KLHL23: variants seen among roughly 807,000 people sequenced by gnomAD.
KLHL23 encodes the protein kelch-like protein 23.
KLHL23 carries 33 observed loss-of-function variants against 48.9 expected under a neutral mutation model. The ratio of observed to expected loss-of-function variants is 0.67; its 90% CI spans 0.51 to 0.90. The LOEUF is 0.90. KLHL23 is among the 40% of genes least tolerant of loss of function. The pLI, the probability that KLHL23 is intolerant of heterozygous loss-of-function variation, is 0.00. For synonymous variants in KLHL23, 234 were observed against 231.6 expected (o/e 1.01, Z -0.09); for missense variants, 608 against 669.6 (o/e 0.91, Z 1.02).
chr2:169,741,322 C>A, intron 2 of KLHL23, 63 bp from the exon 3 acceptor site: 1 of 1,544,116 alleles, frequency 6.5e-7, no homozygotes, highest in East Asian at 2.3e-5. Flanking sequence ...AAATTTAGCC[C>A]AGGGTTCACT....
At position 169,751,878 on chromosome 2, in the gene KLHL23, A is replaced by G. The variant is rs1452729075; in HGVS notation, c.*2146A>G. ...ATTTTCAATAAAAATAAATCACTGT[A>G]CATAGTAAGACTGCTTGAATTTGGG... On this transcript the variant is annotated 3_prime_UTR_variant, in exon 4 of 4. Transcript: ENST00000392647. 6.6e-6 allele frequency: 1 copy of G among 152,194 alleles called. No homozygotes were observed. The highest frequency in any genetic ancestry group is 2.1e-4 in the South Asian group (1 of 4,828). The allele number at this position is 152,194 out of a possible 1,614,324, so 9.4% of individuals were successfully genotyped here.
Position 169,750,710 on chromosome 2 carries a change from C to G in KLHL23, c.*978C>G, listed in dbSNP as rs1318865977. The G allele has an allele frequency of 2.0e-5, 3 of 152,148 alleles. No individual in the cohort carries two copies. Among genetic ancestry groups the G allele is most frequent in the African/African-American group, 7.2e-5 (3 of 41,432 alleles). 9.4% of individuals were successfully genotyped at this position (152,148 alleles called of 1,614,324 possible). ...AGATTGTTACTGTTCAAAGAGCTTA[C>G]AAACTAAATTTAAAAGAATAGCAAG... On this transcript the variant is annotated 3_prime_UTR_variant, in exon 4 of 4. Coordinates refer to ENST00000392647, the MANE Select transcript of KLHL23 (RefSeq NM_144711.6).
rs1553477017 is a variant in KLHL23, at chr2:169,740,766, T to TAATCTATATATATATATATATATATA, written c.1214-619_1214-618insAATCTATATATATATATATATATATA. Among the ~76,000 whole-genome samples the TAATCTATATATATATATATATATATA allele has an allele frequency of 3.2e-5, 4 of 125,516 alleles. No homozygotes were observed. In the Admixed American group the frequency reaches 3.2e-4, roughly 10 times the overall value. 82.3% of individuals were successfully genotyped at this position (125,516 alleles called of 152,430 possible). On this transcript the variant is annotated intron_variant, in intron 2 of 3. Transcript: ENST00000392647. ...CCCGGCCTCTATAAGCTTTTTTATA[T>TAATCTATATATATATATATATATATA]TATATATATATATATATATATATAT...
At chr2:169,740,605 C>A (rs183974236) in intron 2 of KLHL23, among the ~76,000 whole-genome samples, 1 of 150,428 alleles carries the variant, frequency 6.6e-6, no homozygotes, top group East Asian at 2.0e-4. Context: ...CCCACCACCA[C>A]GTCCTGCTAA....
intron 2 of KLHL23, among the ~76,000 whole-genome samples, chr2:169,738,135 A>C (rs188543731): frequency 6.6e-6 from 1 of 152,298 alleles, no homozygotes; most frequent in African/African-American, 2.4e-5. Flanking sequence ...TTGAACTCAA[A>C]GCTTTGATTC....
chr2:169,742,286 T>G (rs568938885), intron 3 of KLHL23, among the ~76,000 whole-genome samples: 19 of 152,284 alleles, frequency 1.2e-4, no homozygotes, highest in African/African-American at 4.3e-4. Flanking sequence ...TAGTGGAAAT[T>G]CACAAGCTGG....
At chr2:169,736,518 C>CT (rs2105641082) in intron 2 of KLHL23, among the ~76,000 whole-genome samples, 1 of 152,278 alleles carries the variant, frequency 6.6e-6, no homozygotes, top group East Asian at 1.9e-4. Flanking sequence ...TGCTATTCAA[C>CT]TTTTTCCTCT....
chr2:169,741,339 AAG>A (rs774384346), intron 2 of KLHL23, 44 bp from the exon 3 acceptor site: 14 of 1,562,184 alleles, frequency 9.0e-6, no homozygotes, highest in Non-Finnish European at 1.2e-5. Context: ...CACTGCAAAA[AAG>A]AACAAAAGAT....
At chr2:169,743,903 C>T (rs1688732660) in intron 3 of KLHL23, among the ~76,000 whole-genome samples, 1 of 152,298 alleles carries the variant, frequency 6.6e-6, no homozygotes, top group East Asian at 1.9e-4. Flanking sequence ...GCAGTACCTC[C>T]TGAGGAATTA....
intron 2 of KLHL23, 97 bp downstream of exon 2, chr2:169,736,324 A>G (rs1688517282): frequency 6.9e-7 from 1 of 1,449,204 alleles, no homozygotes; most frequent in Non-Finnish European, 9.2e-7. Context: ...GATGCTATCT[A>G]GGAACTATAG....
Position 169,749,823 on chromosome 2 carries a change from T to C in KLHL23, c.*91T>C. ...GGGTTTGAAGTTCCTTACCTGATAA[T>C]TGTGTCTGGCACATGATAGGGGATC... On this transcript the variant is annotated 3_prime_UTR_variant, in exon 4 of 4. Coordinates refer to ENST00000392647, the MANE Select transcript of KLHL23 (RefSeq NM_144711.6). 1.2e-5 allele frequency: 17 copies of C among 1,454,096 alleles called. No individual in the cohort carries two copies. The South Asian group carries it at 2.3e-4, about 19-fold the overall frequency. 90.1% of individuals were successfully genotyped at this position (1,454,096 alleles called of 1,614,324 possible).
chr2:169,736,710 C>T (rs1291899877), intron 2 of KLHL23, among the ~76,000 whole-genome samples: 1 of 152,154 alleles, frequency 6.6e-6, no homozygotes, highest in Non-Finnish European at 1.5e-5. Context: ...GAACCCGGCA[C>T]ACCCCTGGGT....
At chr2:169,746,627 C>G (rs1688798723) in intron 3 of KLHL23, among the ~76,000 whole-genome samples, 1 of 152,176 alleles carries the variant, frequency 6.6e-6, no homozygotes, top group Non-Finnish European at 1.5e-5. Context: ...GCAATTACAG[C>G]TCAGGAAGAA....
In KLHL23 at chr2:169,750,223, G is replaced by A. The variant is rs1254254286; in HGVS notation, c.*491G>A. ...TTTTCAAAGGTAATATAGAATATTT[G>A]ACACTTGGTAAAAGGTGAACTACCT... On this transcript the variant is annotated 3_prime_UTR_variant, in exon 4 of 4. Transcript: ENST00000392647. 1 of 153,628 alleles carries A rather than the reference G, an allele frequency of 6.5e-6. No homozygotes were observed. The highest frequency in any genetic ancestry group is 2.4e-5 in the African/African-American group (1 of 41,328). The allele number at this position is 153,628 out of a possible 1,614,324, so 9.5% of individuals were successfully genotyped here. A position where few individuals can be genotyped will look rare whatever the true frequency, so the allele number is the denominator to read the frequency against.
At chr2:169,737,260 T>C (rs1358994013) in intron 2 of KLHL23, among the ~76,000 whole-genome samples, 1 of 152,242 alleles carries the variant, frequency 6.6e-6, no homozygotes, top group South Asian at 2.1e-4. Context: ...AGAGTAAGCA[T>C]GCTATAAATG....
At chr2:169,734,456 G>A (rs1362452300) in intron 1 of KLHL23, among the ~76,000 whole-genome samples, 1 of 151,300 alleles carries the variant, frequency 6.6e-6, no homozygotes, top group Non-Finnish European at 1.5e-5. Context: ...CGGCGGGCGC[G>A]GGGGAGGGGG....
Position 169,735,329 on chromosome 2 carries a change from A to G in KLHL23, c.315A>G (p.Arg105=). ...AYTSQIEITK[R]NVQSLLEAAD... is the part of the protein sequence containing the mutation. ...CTTCCCAAATTGAAATAACTAAAAG[A>G]AATGTTCAAAGCCTGCTTGAGGCAG... Residue 105 remains arginine, a synonymous_variant, in exon 2 of 4, where the codon AGA becomes AGG. Transcript: ENST00000392647. This position sits in a 1 kb window ranked among gnomAD's most constrained non-coding sequence, Gnocchi z 4.5. 1.9e-6 allele frequency: 3 copies of G among 1,613,534 alleles called. No individual in the cohort carries two copies. The highest frequency in any genetic ancestry group is 2.5e-6 in the Non-Finnish European group (3 of 1,179,900).
intron 3 of KLHL23, among the ~76,000 whole-genome samples, chr2:169,747,699 C>T (rs765878788): frequency 6.7e-5 from 10 of 150,326 alleles, no homozygotes; most frequent in Non-Finnish European, 1.2e-4. Context: ...GGGACACAAG[C>T]GTACAAAGTA....
chr2:169,746,346 C>A (rs1688793990), intron 3 of KLHL23, among the ~76,000 whole-genome samples: 1 of 152,220 alleles, frequency 6.6e-6, no homozygotes, highest in African/African-American at 2.4e-5. Context: ...GTGGTTTTCT[C>A]TGAATCCCTC....
Sources: allele counts gnomAD v4.1 joint callset (sites outside exome capture counted in the v4.1 genomes callset), GRCh38; gene constraint gnomAD v4.1.1; non-coding constraint Gnocchi (gnomAD v3.1); transcripts MANE v1.5; gene names NCBI Gene and HGNC (gene_info 2026-07-23, HGNC 2026-07-21).